SESTD1: variants seen among roughly 807,000 people sequenced by gnomAD.
SESTD1 encodes the protein SEC14 and spectrin domain containing 1.
SESTD1 carries 43 observed loss-of-function variants against 101.7 expected under a neutral mutation model. The ratio of observed to expected loss-of-function variants is 0.42; its 90% CI spans 0.33 to 0.55. The LOEUF (loss-of-function observed/expected upper bound fraction) is 0.55. Among genes scored for constraint, SESTD1 ranks in the 20% least tolerant of loss-of-function variants. SESTD1 has a pLI of 0.07. For missense variants in SESTD1, 647 were observed against 815.1 expected (o/e 0.79, Z 2.51); for synonymous variants, 283 against 286.8 (o/e 0.99, Z 0.13).
At chr2:179,177,181 G>A (rs578242321) in intron 3 of SESTD1, among the ~76,000 whole-genome samples, 2 of 152,226 alleles carry the variant, frequency 1.3e-5, no homozygotes, top group South Asian at 2.1e-4. Flanking sequence ...ATTACATTGA[G>A]TGATTTAACT....
rs146814759 is a variant in SESTD1, at chr2:179,218,576, A to G, written c.-25-26710T>C. On this transcript the variant is annotated intron_variant, in intron 1 of 17. Transcript: ENST00000428443. ...AAGCAAGAAGCACCAAAAAAAACTA[A>G]TATCATTTCTAGGTGCAAAATAAGT... Among the ~76,000 whole-genome samples, 652 of 152,308 alleles carry G rather than the reference A, an allele frequency of 4.3e-3. 4 individuals are homozygous for G. Among genetic ancestry groups the G allele is most frequent in the African/African-American group, 0.014 (602 of 41,552 alleles).
rs191851664 is a variant in SESTD1 at position 179,112,597 on chromosome 2, C to T, written c.1961+127G>A. The stretch of plus-strand genomic sequence containing the variant: ...TTCTTTTCATTTTAAACTAATTCAT[C>T]GTAGGAGTTAAAGATGTGGACCAAA... On this transcript the variant is annotated intron_variant, in intron 17 of 17. Coordinates refer to ENST00000428443, the MANE Select transcript of SESTD1 (RefSeq NM_178123.5). 7.0e-5 allele frequency: 79 copies of T among 1,126,978 alleles called. 1 individual carries two copies. The Middle Eastern group carries it at 1.6e-3, about 22-fold the overall frequency. The allele number at this position is 1,126,978 out of a possible 1,614,324, so 69.8% of individuals were successfully genotyped here. A position where few individuals can be genotyped will look rare whatever the true frequency, so the allele number is the denominator to read the frequency against.
intron 12 of SESTD1, among the ~76,000 whole-genome samples, chr2:179,123,222 T>C (rs1188386754): frequency 3.9e-5 from 6 of 152,170 alleles, no homozygotes; most frequent in African/African-American, 7.2e-5. Flanking sequence ...GACCCCTTAA[T>C]GTAAATGTAC....
chr2:179,189,829 A>G (rs1354636233), intron 2 of SESTD1, among the ~76,000 whole-genome samples: 2 of 152,128 alleles, frequency 1.3e-5, no homozygotes, highest in East Asian at 3.8e-4. Context: ...TATAATGGCC[A>G]TAAAAAATAC....
chr2:179,196,228 C>G (rs756072536), intron 1 of SESTD1, among the ~76,000 whole-genome samples: 2 of 152,172 alleles, frequency 1.3e-5, no homozygotes, highest in Non-Finnish European at 2.9e-5. Flanking sequence ...CACTCCCACT[C>G]GAATCCTGCG....
chr2:179,118,756 A>G (rs2044688672), intron 13 of SESTD1, among the ~76,000 whole-genome samples: 1 of 152,200 alleles, frequency 6.6e-6, no homozygotes, highest in Non-Finnish European at 1.5e-5. Context: ...TGTGCTGGGG[A>G]AAATATAAGA....
intron 10 of SESTD1, among the ~76,000 whole-genome samples, chr2:179,131,363 T>A (rs142960279): frequency 6.6e-6 from 1 of 152,200 alleles, no homozygotes; most frequent in Non-Finnish European, 1.5e-5. Flanking sequence ...TAATCTTGTT[T>A]AGTTAAAAAT....
chr2:179,197,461 C>T (rs1293789500), intron 1 of SESTD1, among the ~76,000 whole-genome samples: 3 of 152,058 alleles, frequency 2.0e-5, no homozygotes, highest in Non-Finnish European at 4.4e-5. Context: ...ACAGAGAACA[C>T]CACAAAGATA....
chr2:179,110,809 G>C (rs1196931304), intron 17 of SESTD1, among the ~76,000 whole-genome samples: 1 of 151,800 alleles, frequency 6.6e-6, no homozygotes, highest in Non-Finnish European at 1.5e-5. Context: ...CACAACTTTG[G>C]GAAATATTTA....
intron 14 of SESTD1, 52 bp from the exon 15 acceptor site, chr2:179,116,842 G>A (rs770723070): frequency 5.4e-5 from 85 of 1,584,362 alleles, no homozygotes; most frequent in Admixed American, 8.8e-5. Context: ...TTTACTTATT[G>A]TATCAAAATG....
chr2:179,217,041 C>T (rs1206741044), intron 1 of SESTD1, among the ~76,000 whole-genome samples: 399 of 117,856 alleles, frequency 3.4e-3, no homozygotes, highest in South Asian at 8.8e-3. Context: ...TAGAAGAAAA[C>T]CTAGGCAATA....
chr2:179,249,080 G>A (rs2047275024), intron 1 of SESTD1, among the ~76,000 whole-genome samples: 1 of 135,344 alleles, frequency 7.4e-6, no homozygotes. Context: ...GACAGAGTGA[G>A]ATCCCGTCTT....
chr2:179,125,907 T>C (rs2044863093), intron 10 of SESTD1, among the ~76,000 whole-genome samples: 1 of 152,170 alleles, frequency 6.6e-6, no homozygotes, highest in African/African-American at 2.4e-5. Flanking sequence ...AGAGCTGTAA[T>C]AATCAGCCGC....
At chr2:179,172,631 A>C (rs2045946694) in intron 4 of SESTD1, among the ~76,000 whole-genome samples, 1 of 152,178 alleles carries the variant, frequency 6.6e-6, no homozygotes, top group Non-Finnish European at 1.5e-5. Flanking sequence ...AAGACGTAAA[A>C]TCAATTTTCT....
In SESTD1 at chr2:179,197,771, T is replaced by C. The variant is rs182565788; in HGVS notation, c.-25-5905A>G. Among the ~76,000 whole-genome samples the C allele has an allele frequency of 8.5e-3, 1,289 of 152,196 alleles. 9 individuals are homozygous for C. Among genetic ancestry groups the C allele is most frequent in the African/African-American group, 0.029 (1,200 of 41,508 alleles). ...GACAAGCAAATGCTGAGAGATTTTG[T>C]CACCACCAGGCCTGCCCTAGAAGAG... On this transcript the variant is annotated intron_variant, in intron 1 of 17. Coordinates refer to ENST00000428443, the MANE Select transcript of SESTD1 (RefSeq NM_178123.5).
intron 17 of SESTD1, among the ~76,000 whole-genome samples, chr2:179,110,267 T>C (rs558600734): frequency 2.0e-5 from 3 of 152,290 alleles, no homozygotes; most frequent in South Asian, 2.1e-4. Flanking sequence ...ATAAAGGTTA[T>C]ATCATGTGTA....
chr2:179,187,498 A>G (rs1176644808), intron 2 of SESTD1, among the ~76,000 whole-genome samples: 5 of 152,124 alleles, frequency 3.3e-5, no homozygotes, highest in South Asian at 2.1e-4. Context: ...GCTGGGCATG[A>G]TGGCACATGC....
intron 12 of SESTD1, 34 bp downstream of exon 12, chr2:179,123,681 A>AG (rs397701051): frequency 8.1e-6 from 12 of 1,482,554 alleles, no homozygotes; most frequent in Non-Finnish European, 1.1e-5. Context: ...AAAAAAAAAA[A>AG]CCTTATGTTT....
chr2:179,194,446 T>G (rs1379173310), intron 1 of SESTD1, among the ~76,000 whole-genome samples: 1 of 152,122 alleles, frequency 6.6e-6, no homozygotes, highest in South Asian at 2.1e-4. Flanking sequence ...CCTCATTTCA[T>G]GAAGGAATTT....
Sources: allele counts gnomAD v4.1 joint callset (sites outside exome capture counted in the v4.1 genomes callset), GRCh38; gene constraint gnomAD v4.1.1; transcripts MANE v1.5; gene names NCBI Gene and HGNC (gene_info 2026-07-23, HGNC 2026-07-21).